Variants in SETD7 observed in about 807,000 individuals in gnomAD.
The protein encoded by SETD7 is SET domain containing 7, histone lysine methyltransferase.
SETD7 carries 16 observed loss-of-function variants against 41.8 expected under a neutral mutation model. The observed-to-expected ratio is 0.38, with a 90% CI of 0.26 to 0.58. The LOEUF (loss-of-function observed/expected upper bound fraction) is 0.58, where lower values mean the gene tolerates loss of function less well. Among genes scored for constraint, SETD7 ranks in the 20% least tolerant of loss-of-function variants. The probability of loss-of-function intolerance (pLI) is 0.64; values close to 1 mark genes in which losing one functional copy is unlikely to be tolerated. For synonymous variants in SETD7, 163 were observed against 169.7 expected, an observed-to-expected ratio of 0.96 and a Z score of 0.31; for missense variants, 346 against 459.7, an observed-to-expected ratio of 0.75 and a Z score of 2.26.
intron 6 of SETD7, 40 bp from the exon 7 acceptor site, chr4:139,518,082 C>T (rs771737157): frequency 2.5e-6 from 4 of 1,587,706 alleles, no homozygotes; most frequent in Middle Eastern, 3.4e-4. Flanking sequence ...GAGGACCTTT[C>T]TCCCCAAAGG....
At chr4:139,519,328 A>G (rs1267117593) in intron 6 of SETD7, among the ~76,000 whole-genome samples, 2 of 152,186 alleles carry the variant, frequency 1.3e-5, no homozygotes, top group Non-Finnish European at 2.9e-5. Flanking sequence ...GAACTCTGCT[A>G]TTTGCTGTAT....
downstream of SETD7, among the ~76,000 whole-genome samples, chr4:139,503,179 G>GAAAA (rs11388022): frequency 2.9e-3 from 208 of 71,126 alleles, 4 homozygotes; most frequent in African/African-American, 6.1e-3. Flanking sequence ...CTCTGTCTCA[G>GAAAA]AAAAAAAAAA....
chr4:139,504,902 C>T (rs1051133841), downstream of SETD7, among the ~76,000 whole-genome samples: 3 of 152,044 alleles, frequency 2.0e-5, no homozygotes, highest in Non-Finnish European at 4.4e-5. Flanking sequence ...ATTTTTAATC[C>T]TGTATTCCCC....
At chr4:139,529,493 G>A (rs1467680976) in intron 3 of SETD7, among the ~76,000 whole-genome samples, 1 of 152,080 alleles carries the variant, frequency 6.6e-6, no homozygotes, top group Non-Finnish European at 1.5e-5. Flanking sequence ...TTTGTAATCC[G>A]GGACAAGTTA....
chr4:139,546,789 C>T (rs1727960495), intron 2 of SETD7, 131 bp downstream of exon 2: 1 of 1,256,826 alleles, frequency 8.0e-7, no homozygotes, highest in Non-Finnish European at 1.1e-6. Context: ...GCAGTGCCTA[C>T]AGGTAGGGGT....
intron 1 of SETD7, among the ~76,000 whole-genome samples, chr4:139,551,210 A>G (rs1728101388): frequency 6.6e-6 from 1 of 152,262 alleles, no homozygotes; most frequent in African/African-American, 2.4e-5. Context: ...CATGAGGTCA[A>G]TTTGTAAAAT....
In SETD7 at chr4:139,543,795, A is replaced by G. The variant is rs1336802283; in HGVS notation, c.170+3125T>C. Among the ~76,000 whole-genome samples, 8 of 137,132 alleles carry G rather than the reference A, an allele frequency of 5.8e-5. No individual in the cohort carries two copies. In the East Asian group the frequency reaches 1.6e-3, roughly 27 times the overall value. The allele number at this position is 137,132 out of a possible 152,430, so 90.0% of individuals were successfully genotyped here. ...GTGAAACCCCGTCTCTACTAAAAAA[A>G]TACAAAAAAAAAAAAAAAATTAGCC... On this transcript the variant is annotated intron_variant, in intron 2 of 7. Coordinates refer to ENST00000274031, the MANE Select transcript of SETD7 (RefSeq NM_030648.4).
intron 2 of SETD7, among the ~76,000 whole-genome samples, chr4:139,537,496 A>G (rs953421438): frequency 1.3e-5 from 2 of 152,114 alleles, no homozygotes; most frequent in East Asian, 1.9e-4. Context: ...AAGTAAATCT[A>G]TCCTGATCTT....
At chr4:139,541,848 T>C (rs1253285463) in intron 2 of SETD7, among the ~76,000 whole-genome samples, 5 of 152,214 alleles carry the variant, frequency 3.3e-5, no homozygotes, top group Non-Finnish European at 5.9e-5. Flanking sequence ...GAGACAGTTG[T>C]GAACAGGTAA....
intron 2 of SETD7, among the ~76,000 whole-genome samples, chr4:139,536,615 G>A (rs1727643737): frequency 6.6e-6 from 1 of 152,038 alleles, no homozygotes; most frequent in Non-Finnish European, 1.5e-5. Flanking sequence ...AGGAGGGTGA[G>A]GTGCAAGAAT....
Position 139,510,024 on chromosome 4 carries a change from T to A in SETD7, c.*1639A>T. On this transcript the variant is annotated 3_prime_UTR_variant, in exon 8 of 8. Coordinates refer to ENST00000274031, the MANE Select transcript of SETD7 (RefSeq NM_030648.4). ...GCCCAAGGGCCACCTGAAATGAAAG[T>A]CATGAGCAGCCTGGGATTAAGCACT... 1 of 276,970 alleles carries A rather than the reference T, an allele frequency of 3.6e-6. No homozygotes were observed. The highest frequency in any genetic ancestry group is 5.5e-6 in the Non-Finnish European group (1 of 182,128). The allele number at this position is 276,970 out of a possible 1,614,324, so 17.2% of individuals were successfully genotyped here.
intron 4 of SETD7, among the ~76,000 whole-genome samples, chr4:139,526,850 C>T (rs1023923749): frequency 6.6e-6 from 1 of 152,232 alleles, no homozygotes; most frequent in Non-Finnish European, 1.5e-5. Context: ...CGAGCCTCCT[C>T]ATTTCTAAAT....
intron 7 of SETD7, among the ~76,000 whole-genome samples, chr4:139,514,084 A>AC (rs1726953460): frequency 6.6e-6 from 1 of 152,176 alleles, no homozygotes; most frequent in African/African-American, 2.4e-5. Context: ...GGAGTTCAAG[A>AC]CTAGCCTGGG....
At chr4:139,500,799 G>A (rs1025176085) in intron 7 of SETD7, among the ~76,000 whole-genome samples, 5 of 152,128 alleles carry the variant, frequency 3.3e-5, no homozygotes, top group Admixed American at 1.3e-4. Context: ...ATAAGCCACC[G>A]TGACTGGCTG....
intron 2 of SETD7, among the ~76,000 whole-genome samples, chr4:139,543,727 C>T (rs549867750): frequency 3.1e-4 from 47 of 149,882 alleles, no homozygotes; most frequent in East Asian, 1.0e-3. Context: ...CCAAGGCGGG[C>T]GGATCACGAG....
At chr4:139,514,566 G>T (rs1327145637) in intron 7 of SETD7, among the ~76,000 whole-genome samples, 2 of 152,186 alleles carry the variant, frequency 1.3e-5, no homozygotes, top group African/African-American at 4.8e-5. Flanking sequence ...AGCCTTAACT[G>T]CTCTGCCTTG....
At chr4:139,503,426 G>A (rs1164173531), downstream of SETD7, among the ~76,000 whole-genome samples, 1 of 152,028 alleles carries the variant, frequency 6.6e-6, no homozygotes, top group South Asian at 2.1e-4. Context: ...TTCAGACTCT[G>A]CCTCTATGGC....
At chr4:139,542,359 T>C (rs1579221488) in intron 2 of SETD7, among the ~76,000 whole-genome samples, 1 of 152,294 alleles carries the variant, frequency 6.6e-6, no homozygotes, top group South Asian at 2.1e-4. Context: ...TCAACAGTAA[T>C]ATATTGTATA....
chr4:139,527,648 G>A (rs755624585), intron 4 of SETD7, among the ~76,000 whole-genome samples: 4 of 152,152 alleles, frequency 2.6e-5, no homozygotes, highest in Non-Finnish European at 4.4e-5. Context: ...CAGAAAAGTC[G>A]CAAAGAAAGC....
Sources: allele counts gnomAD v4.1 joint callset (sites outside exome capture counted in the v4.1 genomes callset), GRCh38; gene constraint gnomAD v4.1.1; transcripts MANE v1.5; gene names NCBI Gene and HGNC (gene_info 2026-07-23, HGNC 2026-07-21).